Variants in CLASP1 observed in about 807,000 individuals in gnomAD.
CLASP1 encodes CLIP-associating protein 1.
Under a neutral mutation model 192.3 loss-of-function variants are expected in CLASP1, and 38 were observed. The ratio of observed to expected loss-of-function variants is 0.20; its 90% confidence interval spans 0.15 to 0.26. CLASP1 has a LOEUF of 0.26. CLASP1 is among the 10% of genes least tolerant of loss of function. The pLI is 1.00. For synonymous variants in CLASP1, 691 were observed against 712.8 expected (o/e 0.97, Z 0.49); for missense variants, 1,433 against 1,932.5 (o/e 0.74, Z 4.85).
chr2:121,396,528 A>C (rs997900985), intron 30 of CLASP1, among the ~76,000 whole-genome samples: 3 of 152,228 alleles, frequency 2.0e-5, no homozygotes, highest in African/African-American at 7.2e-5. Flanking sequence ...GTCCTAGTTC[A>C]AATATTCTAA....
At chr2:121,349,615 G>A (rs2063988221) in intron 37 of CLASP1, among the ~76,000 whole-genome samples, 1 of 152,310 alleles carries the variant, frequency 6.6e-6, no homozygotes, top group East Asian at 1.9e-4. Flanking sequence ...TGAGGCAGTT[G>A]GGAAGGCACA....
intron 33 of CLASP1, among the ~76,000 whole-genome samples, chr2:121,378,706 G>A (rs527426019): frequency 1.3e-5 from 2 of 152,220 alleles, no homozygotes; most frequent in African/African-American, 4.8e-5. Context: ...AGATGAATTC[G>A]TCTAATTTAA....
At chr2:121,503,018 T>A in intron 8 of CLASP1, 149 bp downstream of exon 8, 1 of 599,780 alleles carries the variant, frequency 1.7e-6, no homozygotes, top group Non-Finnish European at 3.0e-6. Context: ...ACTGCATTGT[T>A]TCTGGCCTGG....
intron 36 of CLASP1, chr2:121,364,800 T>G: frequency 2.5e-6 from 1 of 393,220 alleles, no homozygotes; most frequent in Non-Finnish European, 4.7e-6. Flanking sequence ...TCTATGCTAA[T>G]AAAGTTTTAA....
At chr2:121,634,792 C>T (rs1185630506) in intron 1 of CLASP1, among the ~76,000 whole-genome samples, 1 of 152,136 alleles carries the variant, frequency 6.6e-6, no homozygotes, top group African/African-American at 2.4e-5. Flanking sequence ...TTTAGAGGGC[C>T]ATCTTCCTCA....
chr2:121,628,673 CAAAA>C (rs75085413), intron 1 of CLASP1, among the ~76,000 whole-genome samples: 3 of 76,570 alleles, frequency 3.9e-5, no homozygotes, highest in African/African-American at 4.9e-5. Flanking sequence ...GACTCTGTCT[CAAAA>C]AAAAAAAAAA....
chr2:121,509,324 C>T (rs990296649), intron 7 of CLASP1, among the ~76,000 whole-genome samples: 3 of 152,132 alleles, frequency 2.0e-5, no homozygotes, highest in East Asian at 1.9e-4. Context: ...CACAGGCACA[C>T]GCTACCACAC....
rs186865355 is a variant in CLASP1 at position 121,636,390 on chromosome 2, G to A, written c.-286+12982C>T. ...TAATAATAATAAATTTTAGGGTGGCGCAGTGGCTCATGCCTGTAATCCCAA... is the reference window on the plus strand; with the variant it reads ...TAATAATAATAAATTTTAGGGTGGCACAGTGGCTCATGCCTGTAATCCCAA... On this transcript the variant is annotated intron_variant, in intron 1 of 39. Transcript: ENST00000263710. 4.2e-3 allele frequency among the ~76,000 whole-genome samples: 620 copies of A among 146,936 alleles called. 3 individuals carry two copies. Among genetic ancestry groups the A allele is most frequent in the Non-Finnish European group, 5.9e-3 (397 of 67,226 alleles).
In CLASP1 at chr2:121,504,618, T is replaced by C. The variant is rs553702984; in HGVS notation, c.645-1384A>G. The stretch of plus-strand genomic sequence containing the variant: ...CATTTGTTCATTCACTCAAAAATAC[T>C]TGAGTGCCCATTATGTGCCCAACAC... On this transcript the variant is annotated intron_variant, in intron 7 of 39. Transcript: ENST00000263710. Among the ~76,000 whole-genome samples the C allele has an allele frequency of 4.9e-4, 75 of 152,366 alleles. 1 individual carries two copies. In the South Asian group the frequency reaches 0.012, roughly 25 times the overall value.
At chr2:121,417,854 G>A (rs1161134311) in intron 23 of CLASP1, among the ~76,000 whole-genome samples, 1 of 152,172 alleles carries the variant, frequency 6.6e-6, no homozygotes, top group Non-Finnish European at 1.5e-5. Flanking sequence ...CAAAAGACCA[G>A]TTACATAAAT....
exon 25 of CLASP1, chr2:121,407,636 C>A (rs1163021362): frequency 6.2e-7 from 1 of 1,613,972 alleles, no homozygotes; most frequent in Non-Finnish European, 8.5e-7. Context: ...GCGCTCAGAG[C>A]AAACACTTGA....
intron 19 of CLASP1, among the ~76,000 whole-genome samples, chr2:121,436,709 C>G (rs2082370472): frequency 6.6e-6 from 1 of 152,200 alleles, no homozygotes; most frequent in Admixed American, 6.5e-5. Flanking sequence ...CTGTGCCCGG[C>G]TTTAGTGTCT....
chr2:121,578,330 G>A (rs1393476540), intron 2 of CLASP1, among the ~76,000 whole-genome samples: 1 of 149,220 alleles, frequency 6.7e-6, no homozygotes, highest in Non-Finnish European at 1.5e-5. Flanking sequence ...GCTGAGGTGA[G>A]AGGATCACTT....
At chr2:121,565,105 A>G (rs1438094606) in intron 2 of CLASP1, among the ~76,000 whole-genome samples, 2 of 152,162 alleles carry the variant, frequency 1.3e-5, no homozygotes, top group Non-Finnish European at 2.9e-5. Flanking sequence ...CCACCACTAG[A>G]CTATGAATAA....
At chr2:121,626,567 C>T (rs2068404917) in intron 1 of CLASP1, among the ~76,000 whole-genome samples, 1 of 147,562 alleles carries the variant, frequency 6.8e-6, no homozygotes, top group African/African-American at 2.6e-5. Flanking sequence ...GAAACAGAAC[C>T]AGAATTTTGA....
chr2:121,567,514 C>G (rs1447864575), intron 2 of CLASP1, among the ~76,000 whole-genome samples: 1 of 152,250 alleles, frequency 6.6e-6, no homozygotes, highest in Non-Finnish European at 1.5e-5. Flanking sequence ...TCGCTAGTTA[C>G]CTCCCACAGA....
At chr2:121,430,332 C>T (rs930795576) in intron 19 of CLASP1, among the ~76,000 whole-genome samples, 155 bp from the exon 20 acceptor site, 8 of 152,284 alleles carry the variant, frequency 5.3e-5, no homozygotes, top group East Asian at 1.9e-4. Context: ...AGGTCTGCCA[C>T]GTCTCCCTGT....
At chr2:121,582,118 G>A (rs560237236) in intron 2 of CLASP1, among the ~76,000 whole-genome samples, 4 of 152,014 alleles carry the variant, frequency 2.6e-5, no homozygotes, top group Admixed American at 6.6e-5. Flanking sequence ...AGCCAAGATC[G>A]TGCCACTCTA....
At chr2:121,479,731 T>C (rs962853365) in intron 8 of CLASP1, among the ~76,000 whole-genome samples, 11 of 152,140 alleles carry the variant, frequency 7.2e-5, no homozygotes, top group African/African-American at 2.7e-4. Context: ...ATCCAGTCAA[T>C]ATGGACCAGT....
Sources: gnomAD v4.1 joint callset for allele counts (sites outside exome capture counted in the v4.1 genomes callset) on GRCh38, gnomAD v4.1.1 for gene constraint, MANE v1.5 for transcripts, NCBI Gene and HGNC (gene_info 2026-07-23, HGNC 2026-07-21) for gene names.